Variants in CIZ1 observed in about 807,000 individuals in gnomAD.
CIZ1 encodes the protein cip1-interacting zinc finger protein.
CIZ1 carries 58 observed loss-of-function variants against 118.6 expected under a neutral mutation model. The observed-to-expected ratio is 0.49, with a 90% confidence interval of 0.40 to 0.61. CIZ1 has a LOEUF of 0.61. Among genes scored for constraint, CIZ1 ranks in the 20% least tolerant of loss-of-function variants. The pLI is 0.00. For missense variants in CIZ1, 921 were observed against 1,115.9 expected (o/e 0.83, Z 2.49); for synonymous variants, 448 against 443.4 (o/e 1.01, Z -0.13).
Position 128,169,531 on chromosome 9 carries a change from C to A in CIZ1, c.2032-12G>T. On this transcript the variant is annotated splice_polypyrimidine_tract_variant and intron_variant, in intron 12 of 16. Transcript: ENST00000372938. ...GATTGTTTGGCAATCTGGAAAAAGGCAGGCCAACCAAGCAGTGTCCCCAGC... is the reference window on the plus strand; with the variant it reads ...GATTGTTTGGCAATCTGGAAAAAGGAAGGCCAACCAAGCAGTGTCCCCAGC... 6.2e-7 allele frequency: 1 copy of A among 1,613,490 alleles called. No individual in the cohort carries two copies. The highest frequency in any genetic ancestry group is 8.5e-7 in the Non-Finnish European group (1 of 1,179,504).
At chr9:128,183,886 C>T (rs539523879) in intron 5 of CIZ1, among the ~76,000 whole-genome samples, 40 of 152,162 alleles carry the variant, frequency 2.6e-4, no homozygotes, top group African/African-American at 8.9e-4. Context: ...CTACTTCAGC[C>T]TTCCTGAGTA....
At chr9:128,199,530 G>A (rs1010123976) in intron 1 of CIZ1, among the ~76,000 whole-genome samples, 2 of 151,858 alleles carry the variant, frequency 1.3e-5, no homozygotes, top group South Asian at 2.1e-4. Context: ...GCAAGATCCC[G>A]TCTGTACAAA....
chr9:128,191,593 G>A (rs898868765), upstream of CIZ1: 27 of 1,167,808 alleles, frequency 2.3e-5, no homozygotes, highest in Middle Eastern at 1.0e-3. The surrounding 1 kb of genome is among the most constrained non-coding windows in gnomAD (Gnocchi z 5.5). Context: ...GGGCGGGGCC[G>A]GCCGGGGCAG....
rs1220272584 is a variant in CIZ1, at chr9:128,178,857, T to C, written c.1350A>G (p.Pro450=). The C allele has an allele frequency of 6.2e-7, 1 of 1,614,244 alleles. No homozygotes were observed. The highest frequency in any genetic ancestry group is 1.7e-5 in the Admixed American group (1 of 60,034). The change falls in exon 8 of 17, where the codon CCA becomes CCG. Residue 450 remains proline (P), a synonymous_variant. Transcript: ENST00000372938. ...CTGGTGGCTGTACTGACACCTGCGC[T>C]GGAGGATGCTCCTGTGGCTGGACGC... ...QPSVQPQEHP[P]AQVSVQPPEQ...
Position 128,176,208 on chromosome 9 carries a change from G to T in CIZ1, c.1943+143C>A. 9 of 1,001,218 alleles carry T rather than the reference G, an allele frequency of 9.0e-6. No homozygotes were observed. The South Asian group carries it at 1.3e-4, about 14-fold the overall frequency. 62.0% of individuals were successfully genotyped at this position (1,001,218 alleles called of 1,614,324 possible). ...ACAGGCAGGGAAAACTGAGGTTCAAGGTCACACAGTTAACAGTGTGAGGAG... is the reference window on the plus strand; with the variant it reads ...ACAGGCAGGGAAAACTGAGGTTCAATGTCACACAGTTAACAGTGTGAGGAG... On this transcript the variant is annotated intron_variant, in intron 11 of 16. Transcript: ENST00000372938.
chr9:128,178,322 G>A (rs1831129219), intron 9 of CIZ1, 47 bp downstream of exon 9: 4 of 1,584,416 alleles, frequency 2.5e-6, no homozygotes, highest in Middle Eastern at 1.7e-4. Context: ...ATCCCACCCT[G>A]CTGGGCTCTG....
At chr9:128,170,819 C>T (rs759781311) in intron 11 of CIZ1, among the ~76,000 whole-genome samples, 1 of 152,124 alleles carries the variant, frequency 6.6e-6, no homozygotes, top group Non-Finnish European at 1.5e-5. Context: ...GAGATTCAGG[C>T]ATAAAAATAA....
intron 5 of CIZ1, among the ~76,000 whole-genome samples, chr9:128,184,238 G>A (rs140025401): frequency 4.2e-4 from 64 of 152,292 alleles, no homozygotes; most frequent in Non-Finnish European, 5.3e-4. Context: ...TGAAACTGGC[G>A]GGGCTGAATT....
chr9:128,196,010 C>T (rs1833369579), upstream of CIZ1, among the ~76,000 whole-genome samples: 1 of 152,044 alleles, frequency 6.6e-6, no homozygotes, highest in Admixed American at 6.6e-5. Context: ...GGATTACAGG[C>T]ATGCACCACC....
Position 128,173,319 on chromosome 9 carries a change from T to C in CIZ1, c.1943+3032A>G, listed in dbSNP as rs528879510. 1.5e-4 allele frequency among the ~76,000 whole-genome samples: 23 copies of C among 152,052 alleles called. No homozygotes were observed. The East Asian group carries it at 2.9e-3, about 19-fold the overall frequency. On this transcript the variant is annotated intron_variant, in intron 11 of 16. Coordinates refer to ENST00000372938, the MANE Select transcript of CIZ1 (RefSeq NM_001131016.2). ...GCCACCACGCCCGGCTAATTTTTTG[T>C]ATTTTTTAGTAGAGACGGGGTTTCA...
upstream of CIZ1, among the ~76,000 whole-genome samples, chr9:128,192,333 G>C (rs569009824): frequency 6.5e-4 from 98 of 150,244 alleles, no homozygotes; most frequent in African/African-American, 2.4e-3. Flanking sequence ...TCGCGCCACT[G>C]CACTCCAGCC....
Position 128,176,428 on chromosome 9 carries a change from C to T in CIZ1, c.1866G>A (p.Gly622=). The change falls in exon 11 of 17, where the codon GGG becomes GGA. Residue 622 remains glycine, a synonymous_variant. Transcript: ENST00000372938. ...MSEPQHQQRL[G]EIQHMSQACL... ...AGGCTTGGCTCATGTGCTGGATCTCCCCTAGCCGCTGCTGGTGCTGAGGCT... is the reference window on the plus strand; with the variant it reads ...AGGCTTGGCTCATGTGCTGGATCTCTCCTAGCCGCTGCTGGTGCTGAGGCT... The T allele has an allele frequency of 6.2e-7, 1 of 1,613,924 alleles. No individual in the cohort carries two copies. Among genetic ancestry groups the T allele is most frequent in the Non-Finnish European group, 8.5e-7 (1 of 1,180,006 alleles).
chr9:128,186,343 C>T (rs545113223), intron 4 of CIZ1, among the ~76,000 whole-genome samples: 24 of 152,162 alleles, frequency 1.6e-4, no homozygotes, highest in African/African-American at 4.3e-4. Context: ...ATCCACCTAC[C>T]GCCCCAGCCA....
At chr9:128,184,489 ATTTTTTTTTT>A (rs35204850) in intron 5 of CIZ1, among the ~76,000 whole-genome samples, 3 of 112,128 alleles carry the variant, frequency 2.7e-5, no homozygotes, top group Non-Finnish European at 5.2e-5. Context: ...GGCAGTGCTG[ATTTTTTTTTT>A]TTTTTTTTTT....
upstream of CIZ1, among the ~76,000 whole-genome samples, chr9:128,195,333 T>G (rs1420429280): frequency 6.6e-6 from 1 of 152,184 alleles, no homozygotes; most frequent in Non-Finnish European, 1.5e-5. Flanking sequence ...GTTTTGTTTT[T>G]TTGAGACAGA....
chr9:128,198,810 G>A (rs562392949), intron 1 of CIZ1, among the ~76,000 whole-genome samples: 30 of 151,308 alleles, frequency 2.0e-4, no homozygotes, highest in African/African-American at 6.8e-4. Flanking sequence ...CCAGCCTGGC[G>A]ACAGAGCGAG....
chr9:128,166,830 T>C lies in CIZ1; in HGVS notation c.2416A>G (p.Lys806Glu). 6.2e-7 allele frequency: 1 copy of C among 1,614,156 alleles called. No individual in the cohort carries two copies. Residue 806 changes from lysine to glutamate, a missense_variant, in exon 16 of 17, where the codon AAG becomes GAG. Physicochemically the swap from Lys to Glu is moderately conservative, Grantham distance 56. Transcript: ENST00000372938. The surrounding 1 kb of genome is among the most constrained non-coding windows in gnomAD (Gnocchi z 4.4). ...GCCCCTGAGTTGCTGTGATAGAACT[T>C]GTGGCAGATGCGGCAGATATAGCCC... Reference protein sequence around the residue: ...VMGYICRICHKFYHSNSGAQL... With the variant: ...VMGYICRICHEFYHSNSGAQL...
chr9:128,180,392 G>C, intron 7 of CIZ1, 23 bp downstream of exon 7: 1 of 1,585,422 alleles, frequency 6.3e-7, no homozygotes, highest in Admixed American at 1.7e-5. Flanking sequence ...CCGGGCGCAG[G>C]TCAGGTTTTC....
At chr9:128,169,944 A>T (rs115205713) in intron 12 of CIZ1, 76 bp downstream of exon 12, 2 of 1,371,602 alleles carry the variant, frequency 1.5e-6, no homozygotes, top group Admixed American at 3.9e-5. Context: ...TTACTTTCCA[A>T]CTGGGGCTCT....
Sources: allele counts gnomAD v4.1 joint callset (sites outside exome capture counted in the v4.1 genomes callset), GRCh38; gene constraint gnomAD v4.1.1; non-coding constraint Gnocchi (gnomAD v3.1); transcripts MANE v1.5; gene names NCBI Gene and HGNC (gene_info 2026-07-23, HGNC 2026-07-21).